TBX15: variants seen among roughly 807,000 people sequenced by gnomAD.
The protein encoded by TBX15 is T-box transcription factor 15.
In TBX15, 18 loss-of-function variants were observed where a neutral mutation model predicts 53.9. The observed-to-expected ratio is 0.33, with a 90% CI of 0.23 to 0.49. The LOEUF (loss-of-function observed/expected upper bound fraction) is 0.49, where lower values mean the gene tolerates loss of function less well. Among genes scored for constraint, TBX15 ranks in the 20% least tolerant of loss-of-function variants. The pLI, the probability that TBX15 is intolerant of heterozygous loss-of-function variation, is 0.98. For synonymous variants in TBX15, 295 were observed against 278.0 expected (o/e 1.06, Z -0.61); for missense variants, 692 against 749.5 (o/e 0.92, Z 0.90).
At chr1:118,951,881 G>C (rs1000715856) in intron 1 of TBX15, among the ~76,000 whole-genome samples, 1 of 152,188 alleles carries the variant, frequency 6.6e-6, no homozygotes, top group Non-Finnish European at 1.5e-5. Flanking sequence ...CCCTGCTCCT[G>C]CCAGTGTTCA....
Position 118,893,419 on chromosome 1 carries a change from AAGAAAGAT to A in TBX15, c.1024+5601_1024+5608del, listed in dbSNP as rs1277827936. 1.4e-4 allele frequency among the ~76,000 whole-genome samples: 20 copies of A among 141,130 alleles called. 1 individual carries two copies. The highest frequency in any genetic ancestry group is 5.1e-4 in the African/African-American group (18 of 35,480). 92.6% of individuals were successfully genotyped at this position (141,130 alleles called of 152,430 possible). ...AAAGAAAGAAAGAAAGGAAGAAGGA[AAGAAAGAT>A]GGAAGGAAGGAAGGAAGGAAAGAAG... is the stretch of plus-strand genomic sequence containing the variant. On this transcript the variant is annotated intron_variant, in intron 7 of 7. Coordinates refer to ENST00000369429, the MANE Select transcript of TBX15 (RefSeq NM_001330677.2).
chr1:118,893,402 A>AAAGAAAGG, intron 7 of TBX15, among the ~76,000 whole-genome samples: 2 of 125,754 alleles, frequency 1.6e-5, no homozygotes, highest in East Asian at 2.3e-4. Flanking sequence ...AGAAAGAAAG[A>AAAGAAAGG]AAGAAAGGAA....
intron 1 of TBX15, among the ~76,000 whole-genome samples, chr1:118,969,477 T>A (rs1279267831): frequency 6.6e-6 from 1 of 152,234 alleles, no homozygotes; most frequent in Non-Finnish European, 1.5e-5. Context: ...CAGTTCAGCA[T>A]CTGAAGAGAC....
intron 7 of TBX15, among the ~76,000 whole-genome samples, chr1:118,898,106 C>T (rs912323385): frequency 3.3e-5 from 5 of 152,090 alleles, no homozygotes; most frequent in Non-Finnish European, 7.4e-5. Flanking sequence ...ATAATGCAGA[C>T]GATAAAACTG....
intron 6 of TBX15, among the ~76,000 whole-genome samples, chr1:118,913,288 G>A (rs1470567539): frequency 1.3e-5 from 2 of 151,924 alleles, no homozygotes; most frequent in African/African-American, 4.8e-5. Flanking sequence ...GCACTTATGA[G>A]ACAGATGTGT....
rs1251195429 is a variant in TBX15, at chr1:118,885,365, A to G, written c.1176T>C (p.Cys392=). ...FNVGCRESQL[C]NLNLSDYPPC... is the part of the protein sequence containing the mutation. ...GTGGATAATCAGAGAGGTTTAGATT[A>G]CACAGCTGGCTTTCTCGGCAGCCCA... Residue 392 remains cysteine, a synonymous_variant, in exon 8 of 8, where the codon TGT becomes TGC. Transcript: ENST00000369429. 1.2e-6 allele frequency: 2 copies of G among 1,613,872 alleles called. No homozygotes were observed. The highest frequency in any genetic ancestry group is 1.3e-5 in the African/African-American group (1 of 74,918).
intron 5 of TBX15, among the ~76,000 whole-genome samples, chr1:118,921,509 C>G (rs998381660): frequency 4.6e-5 from 7 of 152,168 alleles, no homozygotes; most frequent in Admixed American, 4.6e-4. Context: ...CAGGCCAATT[C>G]CTCATTTTCT....
chr1:118,974,809 T>C (rs1571217036), intron 1 of TBX15, among the ~76,000 whole-genome samples: 1 of 152,214 alleles, frequency 6.6e-6, no homozygotes, highest in Non-Finnish European at 1.5e-5. Flanking sequence ...GCGGGTGTAC[T>C]TGCCGTGGGT....
Position 118,884,499 on chromosome 1 carries a change from G to A in TBX15, c.*233C>T, listed in dbSNP as rs558689400. ...ACAGACAATGCTTTATAAAACTAAG[G>A]TCTGGGAAGGCAGAAGAATGGCCAC... On this transcript the variant is annotated 3_prime_UTR_variant, in exon 8 of 8. Transcript: ENST00000369429. 1.7e-6 allele frequency: 1 copy of A among 577,084 alleles called. No homozygotes were observed. Among genetic ancestry groups the A allele is most frequent in the South Asian group, 2.1e-5 (1 of 48,282 alleles). The allele number at this position is 577,084 out of a possible 1,614,324, so 35.7% of individuals were successfully genotyped here.
rs1248384259 is a variant in TBX15 at position 118,984,601 on chromosome 1, G to C, written c.205+2990C>G. 1.1e-4 allele frequency among the ~76,000 whole-genome samples: 16 copies of C among 152,202 alleles called. 1 individual carries two copies. Among genetic ancestry groups the C allele is most frequent in the Admixed American group, 1.0e-3 (16 of 15,284 alleles). ...CCTCTGTTGCTCTGGGAGAGGGCGG[G>C]GGAGAGCAGGCTCGAGAGCCAGGCT... is the stretch of plus-strand genomic sequence containing the variant. On this transcript the variant is annotated intron_variant, in intron 1 of 7. Transcript: ENST00000369429.
intron 1 of TBX15, among the ~76,000 whole-genome samples, chr1:118,985,572 C>A (rs1657803852): frequency 6.6e-6 from 1 of 152,202 alleles, no homozygotes; most frequent in Non-Finnish European, 1.5e-5. Context: ...TCCCCCGGCC[C>A]ACTAAAAGGC....
chr1:118,936,589 G>T (rs1159613802), intron 1 of TBX15, among the ~76,000 whole-genome samples: 1 of 152,106 alleles, frequency 6.6e-6, no homozygotes, highest in Non-Finnish European at 1.5e-5. Flanking sequence ...ATAGTGTAAT[G>T]GTTCTATTGA....
At position 118,971,954 on chromosome 1, in the gene TBX15, C is replaced by G. The variant is rs112638847; in HGVS notation, c.205+15637G>C. Among the ~76,000 whole-genome samples the G allele has an allele frequency of 5.1e-3, 777 of 152,334 alleles. 9 individuals carry two copies. The highest frequency in any genetic ancestry group is 8.2e-3 in the Admixed American group (125 of 15,310). On this transcript the variant is annotated intron_variant, in intron 1 of 7. Transcript: ENST00000369429. ...TAAATGATAAAGGCAGGACAGGAGC[C>G]TTGATTAATGGTCAAGTCAGGTTAC...
chr1:118,940,726 AC>A (rs67341502), intron 1 of TBX15, among the ~76,000 whole-genome samples: 77,694 of 145,166 alleles, frequency 0.54, 20,873 homozygotes, highest in East Asian at 0.62. Context: ...TATCAGAAAA[AC>A]AAAAAAAAAT....
intron 6 of TBX15, among the ~76,000 whole-genome samples, chr1:118,906,536 T>G (rs1271042253): frequency 6.6e-6 from 1 of 152,176 alleles, no homozygotes; most frequent in African/African-American, 2.4e-5. Context: ...GACGCCTATT[T>G]GTGCCCAAGA....
At chr1:118,915,459 G>C (rs934691259) in intron 5 of TBX15, among the ~76,000 whole-genome samples, 1 of 152,132 alleles carries the variant, frequency 6.6e-6, no homozygotes, top group Non-Finnish European at 1.5e-5. Flanking sequence ...AGGCTTCAAG[G>C]TTATTTTCTT....
intron 2 of TBX15, among the ~76,000 whole-genome samples, chr1:118,930,272 C>T (rs914675356): frequency 3.3e-5 from 5 of 152,034 alleles, no homozygotes; most frequent in African/African-American, 4.8e-5. Context: ...CAGTAAGATG[C>T]GATTTTTGTT....
chr1:118,986,234 A>G (rs752164514), intron 1 of TBX15, among the ~76,000 whole-genome samples: 1 of 152,244 alleles, frequency 6.6e-6, no homozygotes, highest in Non-Finnish European at 1.5e-5. Context: ...GCGAAGGGAA[A>G]CACACAGTAG....
intron 1 of TBX15, among the ~76,000 whole-genome samples, chr1:118,958,704 C>T (rs895793670): frequency 6.6e-6 from 1 of 152,108 alleles, no homozygotes; most frequent in African/African-American, 2.4e-5. Context: ...AGTAGCTAAA[C>T]CTCATGGTTC....
Sources: allele counts gnomAD v4.1 joint callset (sites outside exome capture counted in the v4.1 genomes callset), GRCh38; gene constraint gnomAD v4.1.1; transcripts MANE v1.5; gene names NCBI Gene and HGNC (gene_info 2026-07-23, HGNC 2026-07-21).